The following GRM1 variants were observed in gnomAD, a reference collection of about 807,000 sequenced individuals.
The protein encoded by GRM1 is glutamate metabotropic receptor 1, also known as metabotropic glutamate receptor 1.
A neutral mutation model predicts 90.9 loss-of-function variants in GRM1; 33 were observed. The ratio of observed to expected loss-of-function variants is 0.36; its 90% CI spans 0.28 to 0.49. The LOEUF is 0.49. Ranked by LOEUF, GRM1 falls within the 20% of genes least tolerant of loss-of-function variation. The pLI, the probability that GRM1 is intolerant of heterozygous loss-of-function variation, is 0.99. For synonymous variants in GRM1, 700 were observed against 613.2 expected (o/e 1.14, Z -2.09); for missense variants, 1,190 against 1,534.3 (o/e 0.78, Z 3.75).
chr6:146,095,996 C>G (rs1369594182), intron 1 of GRM1, among the ~76,000 whole-genome samples: 1 of 152,090 alleles, frequency 6.6e-6, no homozygotes, highest in East Asian at 1.9e-4. Flanking sequence ...ATATTTTGAC[C>G]TCAAGACGCA....
At chr6:146,090,783 G>A (rs1259000012) in intron 1 of GRM1, among the ~76,000 whole-genome samples, 1 of 152,084 alleles carries the variant, frequency 6.6e-6, no homozygotes, top group African/African-American at 2.4e-5. Flanking sequence ...GAGGCATTGA[G>A]AGCTTCTAGC....
intron 1 of GRM1, among the ~76,000 whole-genome samples, chr6:146,035,306 A>G (rs1316087176): frequency 6.6e-6 from 1 of 152,024 alleles, no homozygotes; most frequent in Non-Finnish European, 1.5e-5. Flanking sequence ...TTTTGGTTTC[A>G]AGAAAGATAC....
chr6:146,347,184 A>G (rs1785215504), intron 3 of GRM1, among the ~76,000 whole-genome samples: 1 of 152,234 alleles, frequency 6.6e-6, no homozygotes, highest in Admixed American at 6.5e-5. Context: ...ACAAACAAAC[A>G]TTAAGCTAAT....
chr6:146,208,426 A>T (rs769462533), intron 2 of GRM1, among the ~76,000 whole-genome samples: 3 of 152,160 alleles, frequency 2.0e-5, no homozygotes, highest in Non-Finnish European at 2.9e-5. Flanking sequence ...CTTTCATTTC[A>T]CAATTTTAAG....
chr6:146,434,606 A>T lies in GRM1; in HGVS notation c.3395A>T (p.Gln1132Leu). ...DELEEEEEDL[Q>L]AASKLTPDDS... is the part of the protein sequence containing the mutation. Reference sequence around the variant, plus strand: ...CTGGAAGAGGAGGAGGAGGACCTGCAGGCGGCCAGCAAACTGACCCCGGAT... The same window carrying T: ...CTGGAAGAGGAGGAGGAGGACCTGCTGGCGGCCAGCAAACTGACCCCGGAT... The change falls in exon 8 of 8, where the codon CAG becomes CTG. Residue 1132 changes from glutamine to leucine, a missense_variant. This residue lies in a region of GRM1 where 400 missense variants were observed against 360.8 expected (regional missense o/e 1.11). Coordinates refer to ENST00000282753, the MANE Select transcript of GRM1 (RefSeq NM_001278064.2). 1 of 1,613,382 alleles carries T rather than the reference A, an allele frequency of 6.2e-7. No homozygotes were observed.
chr6:146,264,462 T>G (rs979413745), intron 2 of GRM1, among the ~76,000 whole-genome samples: 1 of 152,048 alleles, frequency 6.6e-6, no homozygotes, highest in South Asian at 2.1e-4. Flanking sequence ...TTAATCAAAA[T>G]GAATTTAAAT....
chr6:146,213,003 A>G (rs989859069), intron 2 of GRM1, among the ~76,000 whole-genome samples: 1 of 151,998 alleles, frequency 6.6e-6, no homozygotes, highest in Non-Finnish European at 1.5e-5. Flanking sequence ...AAACAGCCTT[A>G]CAGAGCTTAA....
At chr6:146,110,591 G>A (rs1775521764) in intron 1 of GRM1, among the ~76,000 whole-genome samples, 1 of 152,104 alleles carries the variant, frequency 6.6e-6, no homozygotes, top group Non-Finnish European at 1.5e-5. Context: ...TGCTCACCTA[G>A]CTCCTTCTCT....
intron 1 of GRM1, among the ~76,000 whole-genome samples, chr6:146,079,997 A>G (rs1776309756): frequency 6.6e-6 from 1 of 152,220 alleles, no homozygotes; most frequent in Admixed American, 6.5e-5. Flanking sequence ...TCTTCACTAT[A>G]GGTTTGCCCC....
intron 1 of GRM1, among the ~76,000 whole-genome samples, chr6:146,056,615 C>T (rs2128851608): frequency 6.6e-6 from 1 of 152,130 alleles, no homozygotes; most frequent in East Asian, 1.9e-4. Flanking sequence ...TACTCAGGGC[C>T]TTCTCATTTT....
chr6:146,145,123 A>G (rs1777038477), intron 1 of GRM1, among the ~76,000 whole-genome samples: 1 of 152,228 alleles, frequency 6.6e-6, no homozygotes, highest in Non-Finnish European at 1.5e-5. Context: ...GAAAAAAGGA[A>G]TGATTTAAAA....
At chr6:146,049,470 T>A (rs143960651) in intron 1 of GRM1, among the ~76,000 whole-genome samples, 3 of 152,126 alleles carry the variant, frequency 2.0e-5, no homozygotes, top group African/African-American at 7.2e-5. Flanking sequence ...GCCTAGATTC[T>A]TAGGCCTTTG....
rs1027502818 is a variant in GRM1, at chr6:146,260,222, A to G, written c.951-44389A>G. On this transcript the variant is annotated intron_variant, in intron 2 of 7. Coordinates refer to ENST00000282753, the MANE Select transcript of GRM1 (RefSeq NM_001278064.2). Reference sequence around the variant, plus strand: ...CACCTCCCTGTGTCCTCATTGTTCAATTCCCACTTATGAGTGAGAATATGT... The same window carrying G: ...CACCTCCCTGTGTCCTCATTGTTCAGTTCCCACTTATGAGTGAGAATATGT... Among the ~76,000 whole-genome samples, 99 of 151,894 alleles carry G rather than the reference A, an allele frequency of 6.5e-4. 1 individual carries two copies. The highest frequency in any genetic ancestry group is 6.8e-3 in the Middle Eastern group (2 of 294).
intron 3 of GRM1, among the ~76,000 whole-genome samples, chr6:146,316,043 A>G (rs1192371208): frequency 6.6e-6 from 1 of 152,174 alleles, no homozygotes. Context: ...ATTATGTTAC[A>G]ATTCTGTAGG....
At chr6:146,085,317 G>T (rs969935589) in intron 1 of GRM1, among the ~76,000 whole-genome samples, 5 of 152,044 alleles carry the variant, frequency 3.3e-5, no homozygotes, top group Admixed American at 2.0e-4. Flanking sequence ...CTTCTGCTTT[G>T]CCACATAAAT....
intron 2 of GRM1, among the ~76,000 whole-genome samples, chr6:146,166,854 G>T (rs181080459): frequency 6.6e-6 from 1 of 152,062 alleles, no homozygotes; most frequent in African/African-American, 2.4e-5. Flanking sequence ...TAGGTTTTGG[G>T]CTCCACCTTC....
intron 6 of GRM1, among the ~76,000 whole-genome samples, chr6:146,389,138 G>A (rs772100237): frequency 6.6e-6 from 1 of 151,956 alleles, no homozygotes; most frequent in Non-Finnish European, 1.5e-5. Flanking sequence ...CGCTTAGATG[G>A]CCATTGTGTT....
chr6:146,333,322 A>C (rs1446395771), intron 3 of GRM1, among the ~76,000 whole-genome samples: 3 of 152,166 alleles, frequency 2.0e-5, no homozygotes, highest in Non-Finnish European at 4.4e-5. Context: ...TAAAGGACCA[A>C]GAGACAAAAG....
At chr6:146,384,295 T>C (rs1165690953) in intron 5 of GRM1, among the ~76,000 whole-genome samples, 1 of 151,930 alleles carries the variant, frequency 6.6e-6, no homozygotes, top group Non-Finnish European at 1.5e-5. Context: ...TAGTAGGGAG[T>C]TGGATTCCCA....
Sources: allele counts gnomAD v4.1 joint callset (sites outside exome capture counted in the v4.1 genomes callset), GRCh38; gene constraint gnomAD v4.1.1; regional missense constraint gnomAD v4.1.1; transcripts MANE v1.5; gene names NCBI Gene and HGNC (gene_info 2026-07-23, HGNC 2026-07-21).